Variants in TFDP2 observed in about 807,000 individuals in gnomAD.
TFDP2 encodes the protein transcription factor Dp-2.
A neutral mutation model predicts 59.3 loss-of-function variants in TFDP2; 17 were observed. The ratio of observed to expected loss-of-function variants is 0.29; its 90% confidence interval spans 0.20 to 0.43. The LOEUF is 0.43. TFDP2 is among the 20% of genes least tolerant of loss of function. The probability of loss-of-function intolerance (pLI) is 1.00; values close to 1 mark genes in which losing one functional copy is unlikely to be tolerated. For missense variants in TFDP2, 391 were observed against 528.8 expected, an observed-to-expected ratio of 0.74 and a Z score of 2.56; for synonymous variants, 180 against 194.7, an observed-to-expected ratio of 0.92 and a Z score of 0.63.
chr3:142,096,881 T>C (rs1350632136), intron 2 of TFDP2, among the ~76,000 whole-genome samples: 2 of 152,144 alleles, frequency 1.3e-5, no homozygotes, highest in Admixed American at 1.3e-4. Flanking sequence ...AAAGAGCTCA[T>C]AGGATCGAGT....
chr3:142,113,475 CG>C (rs2061734079), intron 1 of TFDP2, among the ~76,000 whole-genome samples: 1 of 151,960 alleles, frequency 6.6e-6, no homozygotes, highest in Non-Finnish European at 1.5e-5. Flanking sequence ...TTGGCCACAA[CG>C]GTCTCGATCT....
chr3:142,029,442 G>A (rs1441668104), intron 3 of TFDP2, among the ~76,000 whole-genome samples: 1 of 134,728 alleles, frequency 7.4e-6, no homozygotes. Context: ...TTCTCAAGAG[G>A]GAACTCAATT....
intron 1 of TFDP2, among the ~76,000 whole-genome samples, chr3:142,142,847 G>A (rs2063008518): frequency 6.6e-6 from 1 of 152,140 alleles, no homozygotes; most frequent in African/African-American, 2.4e-5. Flanking sequence ...AACACACACT[G>A]GGGAAAAGAC....
intron 3 of TFDP2, among the ~76,000 whole-genome samples, chr3:142,073,619 AGAGG>A (rs1191070079): frequency 1.3e-5 from 2 of 152,190 alleles, no homozygotes; most frequent in East Asian, 3.8e-4. Context: ...TCTGATTATA[AGAGG>A]AAGAACAAAT....
At chr3:141,981,358 C>T (rs1332631275) in intron 6 of TFDP2, among the ~76,000 whole-genome samples, 3 of 152,118 alleles carry the variant, frequency 2.0e-5, no homozygotes, top group Admixed American at 2.0e-4. Context: ...GTTCACACAA[C>T]GATGAAATCG....
chr3:142,013,016 A>G (rs1944842788), intron 3 of TFDP2, among the ~76,000 whole-genome samples: 1 of 152,158 alleles, frequency 6.6e-6, no homozygotes, highest in South Asian at 2.1e-4. Flanking sequence ...ACGCATTTGT[A>G]ATCCCAGCTA....
intron 3 of TFDP2, among the ~76,000 whole-genome samples, chr3:142,014,099 G>T (rs972402431): frequency 6.6e-6 from 1 of 152,036 alleles, no homozygotes; most frequent in African/African-American, 2.4e-5. Context: ...TATATACAGG[G>T]TCCAACTTCC....
chr3:141,968,422 T>TAA lies in TFDP2; in HGVS notation c.732+1650_732+1651insTT, dbSNP rs1559937282. ...ATATATCATATATATAACATATATA[T>TAA]CTCATATATAGATATATATAACATA... On this transcript the variant is annotated intron_variant, in intron 9 of 12. Transcript: ENST00000489671. Among the ~76,000 whole-genome samples the TAA allele has an allele frequency of 2.5e-3, 270 of 106,770 alleles. 36 individuals are homozygous for TAA. The highest frequency in any genetic ancestry group is 9.5e-3 in the African/African-American group (253 of 26,578). 70.0% of individuals were successfully genotyped at this position (106,770 alleles called of 152,430 possible).
chr3:142,010,484 C>T (rs573844831), intron 3 of TFDP2, among the ~76,000 whole-genome samples: 73 of 151,816 alleles, frequency 4.8e-4, no homozygotes, highest in Admixed American at 7.9e-4. Context: ...TGGCGTGTGC[C>T]TGTAATCCCA....
intron 1 of TFDP2, among the ~76,000 whole-genome samples, chr3:142,143,167 C>G (rs2063025504): frequency 6.6e-6 from 1 of 152,080 alleles, no homozygotes; most frequent in South Asian, 2.1e-4. Context: ...ACCTGGGAGG[C>G]TGAGGTTGCA....
chr3:142,033,658 A>G (rs1946541283), intron 3 of TFDP2, among the ~76,000 whole-genome samples: 1 of 152,238 alleles, frequency 6.6e-6, no homozygotes, highest in African/African-American at 2.4e-5. Context: ...TGGAGATAAT[A>G]CCTTTAGCCT....
At chr3:142,149,031 G>C (rs2108767615) in intron 1 of TFDP2, among the ~76,000 whole-genome samples, 152 bp downstream of exon 1, 1 of 152,322 alleles carries the variant, frequency 6.6e-6, no homozygotes, top group East Asian at 1.9e-4. Context: ...GGGTTACCCG[G>C]CCAGGCCTGG....
intron 3 of TFDP2, among the ~76,000 whole-genome samples, chr3:142,021,613 C>T (rs1048360508): frequency 6.6e-6 from 1 of 152,172 alleles, no homozygotes; most frequent in African/African-American, 2.4e-5. Flanking sequence ...TTTCTAAAAA[C>T]GATTAGCTAG....
chr3:142,103,368 T>C (rs1461134182), intron 1 of TFDP2, among the ~76,000 whole-genome samples: 3 of 152,068 alleles, frequency 2.0e-5, no homozygotes, highest in East Asian at 3.8e-4. Flanking sequence ...ATTTGGGTAA[T>C]TGGAGATTAG....
intron 1 of TFDP2, among the ~76,000 whole-genome samples, chr3:142,140,783 A>G (rs989354489): frequency 6.6e-6 from 1 of 152,144 alleles, no homozygotes; most frequent in African/African-American, 2.4e-5. Flanking sequence ...ACCCACCTGT[A>G]TGAGGTGTCT....
At chr3:141,999,900 T>C (rs1943616221) in intron 4 of TFDP2, among the ~76,000 whole-genome samples, 1 of 151,914 alleles carries the variant, frequency 6.6e-6, no homozygotes, top group African/African-American at 2.4e-5. Context: ...CACGCCCGGC[T>C]AATTTTTTGT....
intron 3 of TFDP2, among the ~76,000 whole-genome samples, chr3:142,084,510 G>A (rs1273000276): frequency 1.3e-5 from 2 of 152,182 alleles, no homozygotes; most frequent in African/African-American, 4.8e-5. Flanking sequence ...ATATTGAAGA[G>A]ACATCTGTAT....
intron 3 of TFDP2, among the ~76,000 whole-genome samples, chr3:142,026,639 G>C (rs1946120820): frequency 6.6e-6 from 1 of 152,198 alleles, no homozygotes; most frequent in South Asian, 2.1e-4. Context: ...CTTAAGAAAT[G>C]AATAAAGTTG....
chr3:142,090,177 T>C (rs2060952659), intron 3 of TFDP2, among the ~76,000 whole-genome samples: 1 of 152,180 alleles, frequency 6.6e-6, no homozygotes, highest in South Asian at 2.1e-4. Context: ...CATATAATTA[T>C]TTCAGCCAGG....
Sources: gnomAD v4.1 joint callset for allele counts (sites outside exome capture counted in the v4.1 genomes callset) on GRCh38, gnomAD v4.1.1 for gene constraint, MANE v1.5 for transcripts, NCBI Gene and HGNC (gene_info 2026-07-23, HGNC 2026-07-21) for gene names.